BEND7: variants seen among roughly 807,000 people sequenced by gnomAD.
BEND7 encodes BEN domain containing 7.
BEND7 carries 28 observed loss-of-function variants against 50.9 expected under a neutral mutation model. That is an observed-to-expected ratio of 0.55 (90% CI 0.41 to 0.75). BEND7 has a LOEUF of 0.75. BEND7 is among the 30% of genes least tolerant of loss of function. The pLI is 0.00. For missense variants in BEND7, 477 were observed against 491.3 expected (o/e 0.97, Z 0.28); for synonymous variants, 170 against 183.9 (o/e 0.92, Z 0.61).
chr10:13,447,153 A>AGC, intron 8 of BEND7, 113 bp downstream of exon 8: 4 of 1,090,796 alleles, frequency 3.7e-6, no homozygotes, highest in Non-Finnish European at 4.2e-6. Context: ...TCCACTGCAG[A>AGC]AGCAGTTTGC....
intron 6 of BEND7, chr10:13,480,478 GCAA>G: frequency 5.4e-6 from 2 of 368,116 alleles, no homozygotes; most frequent in Non-Finnish European, 7.5e-6. Context: ...ACCTGGTAAA[GCAA>G]CTCTAAACTT....
intron 2 of BEND7, among the ~76,000 whole-genome samples, chr10:13,501,374 C>CAAAAAAA (rs58905816): frequency 1.2e-4 from 9 of 72,950 alleles, no homozygotes; most frequent in Admixed American, 4.8e-4. Flanking sequence ...AACTCCATCT[C>CAAAAAAA]AAAAAAAAAA....
At chr10:13,485,426 A>G (rs1032982791) in intron 5 of BEND7, among the ~76,000 whole-genome samples, 1 of 152,192 alleles carries the variant, frequency 6.6e-6, no homozygotes, top group Non-Finnish European at 1.5e-5. Context: ...GCACGTGCAC[A>G]GGGCTGTTTG....
chr10:13,485,044 C>A (rs11258412), intron 5 of BEND7, among the ~76,000 whole-genome samples: 1 of 151,932 alleles, frequency 6.6e-6, no homozygotes. Context: ...GGGTTAAGAT[C>A]TAGTTTGGCT....
chr10:13,498,342 G>A (rs939316483), intron 3 of BEND7, among the ~76,000 whole-genome samples: 1 of 152,082 alleles, frequency 6.6e-6, no homozygotes, highest in Non-Finnish European at 1.5e-5. Context: ...CTCCCAAAGC[G>A]TTAGGACTAC....
At chr10:13,468,094 T>C (rs896038863) in intron 6 of BEND7, among the ~76,000 whole-genome samples, 1 of 152,188 alleles carries the variant, frequency 6.6e-6, no homozygotes, top group Non-Finnish European at 1.5e-5. Context: ...AACAGCACCA[T>C]ACTGACCCTC....
intron 2 of BEND7, among the ~76,000 whole-genome samples, chr10:13,522,424 G>A (rs2079143661): frequency 6.6e-6 from 1 of 152,158 alleles, no homozygotes; most frequent in Non-Finnish European, 1.5e-5. Context: ...CTATTCGTGA[G>A]GTCAGGTAAC....
intron 6 of BEND7, among the ~76,000 whole-genome samples, chr10:13,455,097 G>A (rs1838634426): frequency 6.6e-6 from 1 of 151,918 alleles, no homozygotes; most frequent in South Asian, 2.1e-4. Context: ...GCTTGAACCT[G>A]AGAGATGGAG....
chr10:13,486,590 G>A (rs1435505443), intron 5 of BEND7, among the ~76,000 whole-genome samples: 1 of 152,178 alleles, frequency 6.6e-6, no homozygotes, highest in African/African-American at 2.4e-5. Context: ...TCTAAAAGTA[G>A]GTGCAATTTA....
chr10:13,498,368 C>A (rs1313676761), intron 3 of BEND7, among the ~76,000 whole-genome samples: 1 of 152,154 alleles, frequency 6.6e-6, no homozygotes, highest in African/African-American at 2.4e-5. Context: ...CGAGCCACCA[C>A]GCCTAGCCAT....
At chr10:13,443,340 G>A (rs1444626936) in intron 8 of BEND7, 1 of 152,666 alleles carries the variant, frequency 6.6e-6, no homozygotes, top group Non-Finnish European at 1.5e-5. Context: ...TAAAATCAAA[G>A]TCTAGGCAAT....
chr10:13,449,675 A>G (rs1051640619), intron 7 of BEND7, among the ~76,000 whole-genome samples: 1 of 152,238 alleles, frequency 6.6e-6, no homozygotes, highest in African/African-American at 2.4e-5. Context: ...TAACAAGATC[A>G]GTTTTGGGTA....
At chr10:13,483,259 T>C (rs886626857) in intron 5 of BEND7, among the ~76,000 whole-genome samples, 1 of 152,146 alleles carries the variant, frequency 6.6e-6, no homozygotes, top group African/African-American at 2.4e-5. Flanking sequence ...CCTGTGAACA[T>C]GGACCCCAGT....
intron 5 of BEND7, among the ~76,000 whole-genome samples, chr10:13,491,064 A>G (rs2076621066): frequency 6.6e-6 from 1 of 152,130 alleles, no homozygotes; most frequent in Non-Finnish European, 1.5e-5. Flanking sequence ...TTGGCCTCCC[A>G]AAGTGTTGGG....
chr10:13,440,996 G>C (rs1008341268), downstream of BEND7: 2 of 627,554 alleles, frequency 3.2e-6, no homozygotes, highest in East Asian at 1.4e-4. Context: ...GAGATCATCA[G>C]AGTATTAATG....
intron 6 of BEND7, among the ~76,000 whole-genome samples, chr10:13,456,839 T>TG (rs1238775287): frequency 2.0e-5 from 3 of 152,222 alleles, no homozygotes; most frequent in Non-Finnish European, 4.4e-5. Flanking sequence ...TTAGGCTAAT[T>TG]GGGGGAAAAT....
At chr10:13,496,949 T>C (rs1225718078) in intron 3 of BEND7, 61 bp from the exon 4 acceptor site, 28 of 1,142,640 alleles carry the variant, frequency 2.5e-5, no homozygotes, top group Non-Finnish European at 3.0e-5. Context: ...AAAAAAATCA[T>C]AAAGAGGTGG....
intron 6 of BEND7, among the ~76,000 whole-genome samples, chr10:13,476,240 G>C (rs969911732): frequency 6.6e-6 from 1 of 152,300 alleles, no homozygotes; most frequent in African/African-American, 2.4e-5. Flanking sequence ...GACAGCAAAA[G>C]CGGCCAGGCA....
intron 2 of BEND7, among the ~76,000 whole-genome samples, chr10:13,518,991 C>T (rs1246094883): frequency 6.6e-6 from 1 of 152,098 alleles, no homozygotes; most frequent in African/African-American, 2.4e-5. Flanking sequence ...ACATTAGGAG[C>T]GATTAGGAGA....
Sources: allele counts gnomAD v4.1 joint callset (sites outside exome capture counted in the v4.1 genomes callset), GRCh38; gene constraint gnomAD v4.1.1; transcripts MANE v1.5; gene names NCBI Gene and HGNC (gene_info 2026-07-23, HGNC 2026-07-21).